Variants in LINGO2 observed in about 807,000 individuals in gnomAD.
The protein encoded by LINGO2 is leucine-rich repeat and immunoglobulin-like domain-containing nogo receptor-interacting protein 2.
LINGO2 carries 14 observed loss-of-function variants against 30.6 expected under a neutral mutation model. The ratio of observed to expected loss-of-function variants is 0.46; its 90% CI spans 0.30 to 0.72. The LOEUF is 0.72. Among genes scored for constraint, LINGO2 ranks in the 30% least tolerant of loss-of-function variants. LINGO2 has a pLI of 0.07. For synonymous variants in LINGO2, 317 were observed against 288.5 expected (o/e 1.10, Z -1.00); for missense variants, 729 against 751.7 (o/e 0.97, Z 0.35).
At chr9:28,873,303 G>C in the LINGO2 span, among the ~76,000 whole-genome samples, 5 of 150,284 alleles carry the variant, frequency 3.3e-5, no homozygotes, top group African/African-American at 1.2e-4. Context: ...TGGGGAGGCA[G>C]AGGTTGCAGT....
chr9:28,519,341 G>A (rs1210301979), intron 1 of LINGO2, among the ~76,000 whole-genome samples: 1 of 151,994 alleles, frequency 6.6e-6, no homozygotes. Flanking sequence ...GGTCACACAA[G>A]ATCTTGTATT....
chr9:28,429,034 C>T (rs754227971), intron 2 of LINGO2, among the ~76,000 whole-genome samples: 4 of 152,258 alleles, frequency 2.6e-5, no homozygotes, highest in Admixed American at 6.5e-5. Flanking sequence ...ATAAAGCATA[C>T]TGTTTACTTA....
chr9:28,632,221 A>G (rs925922178), intron 1 of LINGO2, among the ~76,000 whole-genome samples: 9 of 152,148 alleles, frequency 5.9e-5, no homozygotes, highest in Non-Finnish European at 7.4e-5. Context: ...TTAAGAATCT[A>G]TAATGAAGAC....
At chr9:28,680,579 C>A in the LINGO2 span, among the ~76,000 whole-genome samples, 1 of 152,096 alleles carries the variant, frequency 6.6e-6, no homozygotes, top group Non-Finnish European at 1.5e-5. Flanking sequence ...TTTCCAACAA[C>A]AGTATACAGG....
the LINGO2 span, among the ~76,000 whole-genome samples, chr9:29,116,717 A>G: frequency 6.6e-6 from 1 of 151,950 alleles, no homozygotes. Flanking sequence ...GACAGTCTTG[A>G]CAAAGCACTA....
At chr9:28,863,951 A>G in the LINGO2 span, among the ~76,000 whole-genome samples, 1 of 152,156 alleles carries the variant, frequency 6.6e-6, no homozygotes, top group Admixed American at 6.6e-5. Flanking sequence ...AATTCCTAAT[A>G]CAATAACTAG....
At chr9:28,629,400 T>C (rs991578426) in intron 1 of LINGO2, among the ~76,000 whole-genome samples, 7 of 152,114 alleles carry the variant, frequency 4.6e-5, no homozygotes, top group African/African-American at 1.7e-4. Flanking sequence ...TTCTTCCCTT[T>C]TCTTTACGAT....
intron 1 of LINGO2, among the ~76,000 whole-genome samples, chr9:28,595,266 A>G (rs1243897048): frequency 6.6e-6 from 1 of 152,138 alleles, no homozygotes; most frequent in Non-Finnish European, 1.5e-5. Flanking sequence ...ACAGAAATAC[A>G]TAATATCATC....
At chr9:28,774,464 T>C in the LINGO2 span, among the ~76,000 whole-genome samples, 34 of 152,190 alleles carry the variant, frequency 2.2e-4, no homozygotes, top group African/African-American at 8.0e-4. Flanking sequence ...TGCCCATGCC[T>C]ATACACATTT....
chr9:28,085,438 G>T (rs1352327727), intron 4 of LINGO2, among the ~76,000 whole-genome samples: 2 of 152,014 alleles, frequency 1.3e-5, no homozygotes, highest in East Asian at 1.9e-4. Flanking sequence ...TTTTCTGAGG[G>T]CCTCTAGGGT....
chr9:28,397,798 C>A (rs1831552), intron 2 of LINGO2, among the ~76,000 whole-genome samples: 3 of 151,864 alleles, frequency 2.0e-5, no homozygotes, highest in Admixed American at 6.6e-5. Context: ...CCACTTGCCT[C>A]AGCCTCCCAA....
At chr9:28,690,342 C>A in the LINGO2 span, among the ~76,000 whole-genome samples, 2 of 152,110 alleles carry the variant, frequency 1.3e-5, no homozygotes, top group Non-Finnish European at 2.9e-5. Flanking sequence ...TAAGATGTAC[C>A]CAGATTCCTG....
At chr9:27,983,270 C>T (rs1450982991) in intron 5 of LINGO2, among the ~76,000 whole-genome samples, 1 of 151,772 alleles carries the variant, frequency 6.6e-6, no homozygotes, top group African/African-American at 2.4e-5. Context: ...GATGTTACTG[C>T]CATCAAGACA....
intron 1 of LINGO2, among the ~76,000 whole-genome samples, chr9:28,499,081 A>T (rs544702523): frequency 1.1e-4 from 16 of 152,256 alleles, no homozygotes; most frequent in African/African-American, 3.6e-4. Context: ...TCATTTATCC[A>T]CACTCTGAAG....
the LINGO2 span, among the ~76,000 whole-genome samples, chr9:28,742,547 T>C: frequency 1.3e-5 from 2 of 151,936 alleles, no homozygotes; most frequent in Admixed American, 1.3e-4. Flanking sequence ...TTCCCTGAAA[T>C]GGAGAAACTC....
chr9:28,590,750 T>C (rs928800645), intron 1 of LINGO2, among the ~76,000 whole-genome samples: 17 of 152,104 alleles, frequency 1.1e-4, no homozygotes, highest in African/African-American at 1.9e-4. Flanking sequence ...GTCAGTGTGG[T>C]GATTCCTCAG....
intron 4 of LINGO2, among the ~76,000 whole-genome samples, chr9:28,126,162 A>T (rs1827229771): frequency 6.6e-6 from 1 of 152,214 alleles, no homozygotes; most frequent in African/African-American, 2.4e-5. Flanking sequence ...GGAATGTGAT[A>T]TCATATTCTG....
intron 5 of LINGO2, among the ~76,000 whole-genome samples, chr9:27,978,126 C>T (rs943352198): frequency 1.3e-5 from 2 of 152,022 alleles, no homozygotes; most frequent in African/African-American, 4.8e-5. Context: ...AGCCTTTGCT[C>T]CTGGGATGAA....
At chr9:29,032,385 A>G in the LINGO2 span, among the ~76,000 whole-genome samples, 1 of 152,180 alleles carries the variant, frequency 6.6e-6, no homozygotes, top group Non-Finnish European at 1.5e-5. Context: ...TACATACAGC[A>G]AAGCTCAGCA....
Sources: allele counts gnomAD v4.1 joint callset (sites outside exome capture counted in the v4.1 genomes callset), GRCh38; gene constraint gnomAD v4.1.1; transcripts MANE v1.5; gene names NCBI Gene and HGNC (gene_info 2026-07-23, HGNC 2026-07-21).